SPAG16: variants seen among roughly 807,000 people sequenced by gnomAD.
SPAG16 encodes sperm-associated antigen 16 protein.
In SPAG16, 86 loss-of-function variants were observed where a neutral mutation model predicts 80.4. That is an observed-to-expected ratio of 1.07 (90% CI 0.90 to 1.28). The LOEUF (loss-of-function observed/expected upper bound fraction) is 1.28, where lower values mean the gene tolerates loss of function less well. Ranked by LOEUF, SPAG16 falls within the 50% of genes most tolerant of loss-of-function variation. The pLI is 0.00. For missense variants in SPAG16, 870 were observed against 765.3 expected (o/e 1.14, Z -1.61); for synonymous variants, 294 against 265.9 (o/e 1.11, Z -1.03).
At chr2:213,822,184 C>G (rs34756709) in intron 10 of SPAG16, among the ~76,000 whole-genome samples, 1 of 152,146 alleles carries the variant, frequency 6.6e-6, no homozygotes, top group African/African-American at 2.4e-5. Context: ...TGAGGGGTCC[C>G]CCTTCTTCAT....
At chr2:213,706,484 T>C (rs184253082) in intron 10 of SPAG16, among the ~76,000 whole-genome samples, 8 of 152,280 alleles carry the variant, frequency 5.3e-5, no homozygotes, top group African/African-American at 1.4e-4. Context: ...AATGGAGCAA[T>C]GAAGATTAAT....
chr2:213,889,603 C>T (rs936535417), intron 11 of SPAG16, among the ~76,000 whole-genome samples: 1 of 150,706 alleles, frequency 6.6e-6, no homozygotes, highest in Non-Finnish European at 1.5e-5. Context: ...GTTGCTCACA[C>T]ACACACACAC....
chr2:213,599,185 T>C (rs2060978803), intron 10 of SPAG16, among the ~76,000 whole-genome samples: 1 of 152,216 alleles, frequency 6.6e-6, no homozygotes, highest in Non-Finnish European at 1.5e-5. Flanking sequence ...AATAGCCTAA[T>C]GATTACAGAG....
At chr2:214,039,989 C>A (rs1035809233) in intron 13 of SPAG16, among the ~76,000 whole-genome samples, 1 of 152,198 alleles carries the variant, frequency 6.6e-6, no homozygotes, top group African/African-American at 2.4e-5. Context: ...CTTCTGCACA[C>A]TCAGTCATTT....
At chr2:214,353,883 T>C (rs555985778) in intron 15 of SPAG16, among the ~76,000 whole-genome samples, 1 of 152,258 alleles carries the variant, frequency 6.6e-6, no homozygotes, top group East Asian at 1.9e-4. Context: ...TTGCAGTGAC[T>C]GAATTGTATT....
chr2:213,382,867 G>GC (rs1237291398), intron 9 of SPAG16, among the ~76,000 whole-genome samples: 11 of 152,254 alleles, frequency 7.2e-5, no homozygotes, highest in Admixed American at 3.3e-4. Context: ...AGTTTATATG[G>GC]CCCCGAGGCA....
intron 5 of SPAG16, among the ~76,000 whole-genome samples, chr2:213,333,557 C>CA (rs1429972868): frequency 2.0e-5 from 3 of 152,012 alleles, no homozygotes; most frequent in Admixed American, 6.6e-5. Context: ...CTATCCTAAG[C>CA]AAAGAGAACA....
chr2:213,871,875 CACACAGAG>C (rs1215767224), intron 11 of SPAG16, among the ~76,000 whole-genome samples: 134 of 28,444 alleles, frequency 4.7e-3, no homozygotes, highest in South Asian at 0.019. Flanking sequence ...CACACACACA[CACACAGAG>C]AGAGAGAGAG....
At chr2:213,330,232 G>C (rs2064032193) in intron 5 of SPAG16, among the ~76,000 whole-genome samples, 1 of 151,424 alleles carries the variant, frequency 6.6e-6, no homozygotes, top group South Asian at 2.1e-4. Context: ...ACCCCAGAAT[G>C]ATGGATCCAC....
In SPAG16 at chr2:213,369,156, T is replaced by G. The variant is rs141428234; in HGVS notation, c.832+5011T>G. 1.7e-4 allele frequency among the ~76,000 whole-genome samples: 26 copies of G among 152,336 alleles called. 1 individual carries two copies. The highest frequency in any genetic ancestry group is 6.3e-4 in the African/African-American group (26 of 41,582). ...AAATTTAGATAAAATGTAGACATTT[T>G]AAGATGCAGGCAAGCTCGGAGATTT... On this transcript the variant is annotated intron_variant, in intron 8 of 15. Transcript: ENST00000331683.
At chr2:213,472,037 T>G (rs2073107669) in intron 9 of SPAG16, among the ~76,000 whole-genome samples, 1 of 152,238 alleles carries the variant, frequency 6.6e-6, no homozygotes, top group African/African-American at 2.4e-5. Flanking sequence ...GTGTGTTTGC[T>G]ACTTCTTGCT....
Position 214,410,216 on chromosome 2 carries a change from G to T in SPAG16, c.1797G>T (p.Leu599Phe). 6 of 1,613,672 alleles carry T rather than the reference G, an allele frequency of 3.7e-6. No homozygotes were observed. The highest frequency in any genetic ancestry group is 5.1e-6 in the Non-Finnish European group (6 of 1,179,630). Reference sequence around the variant, plus strand: ...TTAAATCTGGGGAGATTCACAAATTGATGGGCCACGAAAACGAGGCACACA... The same window carrying T: ...TTAAATCTGGGGAGATTCACAAATTTATGGGCCACGAAAACGAGGCACACA... ...LDLKSGEIHK[L>F]MGHENEAHTV... The change falls in exon 16 of 16, where the codon TTG becomes TTT. Residue 599 changes from leucine (L) to phenylalanine (F), a missense_variant. By Grantham distance (22) the Leu-to-Phe change is conservative. Transcript: ENST00000331683.
At chr2:213,317,578 T>G (rs1357184668) in intron 5 of SPAG16, 2 of 1,190,644 alleles carry the variant, frequency 1.7e-6, no homozygotes, top group African/African-American at 1.6e-5. Flanking sequence ...GGTAGTTGTT[T>G]AGGAGATGGT....
In SPAG16 at chr2:213,824,506, G is replaced by A. The variant is rs1021412750; in HGVS notation, c.1071-37979G>A. 4.6e-5 allele frequency among the ~76,000 whole-genome samples: 7 copies of A among 152,140 alleles called. 1 individual carries two copies. In the South Asian group the frequency reaches 6.2e-4, roughly 14 times the overall value. On this transcript the variant is annotated intron_variant, in intron 10 of 15. Transcript: ENST00000331683. ...TATTTATGGAAGAGATTTTCCTTTC[G>A]CCTTTGTGTGTTCTTAGCACTTGTT...
chr2:213,935,397 A>G (rs889048236), intron 12 of SPAG16, among the ~76,000 whole-genome samples: 1 of 152,066 alleles, frequency 6.6e-6, no homozygotes, highest in Non-Finnish European at 1.5e-5. Flanking sequence ...TATTTGAAGG[A>G]GTAGTAATGG....
At chr2:214,255,847 G>GA (rs1299148262) in intron 15 of SPAG16, among the ~76,000 whole-genome samples, 2 of 151,892 alleles carry the variant, frequency 1.3e-5, no homozygotes, top group Admixed American at 6.6e-5. Context: ...ATATTGGTTT[G>GA]TTTACGAATT....
intron 9 of SPAG16, among the ~76,000 whole-genome samples, chr2:213,462,392 A>G (rs1045472362): frequency 6.6e-6 from 1 of 152,234 alleles, no homozygotes; most frequent in Non-Finnish European, 1.5e-5. Flanking sequence ...TTCCCATTGT[A>G]AGCCTTTTTG....
chr2:213,890,364 A>T (rs752788610), intron 11 of SPAG16, among the ~76,000 whole-genome samples: 4 of 152,092 alleles, frequency 2.6e-5, no homozygotes, highest in African/African-American at 4.8e-5. Context: ...GTGACATTCA[A>T]TTATTTATTT....
chr2:213,723,148 T>C (rs1036229634), intron 10 of SPAG16, among the ~76,000 whole-genome samples: 4 of 152,178 alleles, frequency 2.6e-5, no homozygotes, highest in Non-Finnish European at 4.4e-5. Flanking sequence ...GAGTGACTTA[T>C]CTGATTGGAA....
Sources: gnomAD v4.1 joint callset for allele counts (sites outside exome capture counted in the v4.1 genomes callset) on GRCh38, gnomAD v4.1.1 for gene constraint, MANE v1.5 for transcripts, NCBI Gene and HGNC (gene_info 2026-07-23, HGNC 2026-07-21) for gene names.